FBN3: variants seen among roughly 807,000 people sequenced by gnomAD.
FBN3 encodes fibrillin 3.
FBN3 carries 234 observed loss-of-function variants against 330.1 expected under a neutral mutation model. The observed-to-expected ratio is 0.71, with a 90% CI of 0.64 to 0.79. The LOEUF is 0.79. Among genes scored for constraint, FBN3 ranks in the 30% least tolerant of loss-of-function variants. The pLI, the probability that FBN3 is intolerant of heterozygous loss-of-function variation, is 0.00. For missense variants in FBN3, 3,606 were observed against 3,886.9 expected (o/e 0.93, Z 1.92); for synonymous variants, 1,458 against 1,517.3 (o/e 0.96, Z 0.91).
rs750159617 is a variant in FBN3 at position 8,111,755 on chromosome 19, A to G, written c.3977T>C (p.Val1326Ala). ...GFECHDLDEC[V>A]SQEHRCSPRG... is the part of the protein sequence containing the mutation. Reference sequence around the variant, plus strand: ...TGGGCTGCACCGGTGCTCCTGGGAGACGCATTCATCCAGGTCTGCAGGAGA... The same window carrying G: ...TGGGCTGCACCGGTGCTCCTGGGAGGCGCATTCATCCAGGTCTGCAGGAGA... The change falls in exon 32 of 64, where the codon GTC (valine) becomes GCC (alanine). Residue 1326 changes from valine to alanine, a missense_variant. Val to Ala is a moderately conservative substitution (Grantham distance 64). Transcript: ENST00000600128. 10 of 1,612,318 alleles carry G rather than the reference A, an allele frequency of 6.2e-6. No individual in the cohort carries two copies. Among genetic ancestry groups the G allele is most frequent in the Non-Finnish European group, 7.6e-6 (9 of 1,179,044 alleles).
chr19:8,116,826 C>A, intron 28 of FBN3, 27 bp from the exon 29 acceptor site: 1 of 1,607,952 alleles, frequency 6.2e-7, no homozygotes, highest in Non-Finnish European at 8.5e-7. Context: ...GGGGACTGTG[C>A]TTAGCTTTGC....
At position 8,111,166 on chromosome 19, in the gene FBN3, C is replaced by T. The variant is rs150421324; in HGVS notation, c.4102G>A (p.Glu1368Lys). 1.1e-4 allele frequency: 171 copies of T among 1,606,082 alleles called. No individual in the cohort carries two copies. The highest frequency in any genetic ancestry group is 2.0e-4 in the African/African-American group (15 of 74,992). The part of the protein sequence containing the change: ...FFCEDRDECA[E>K]NVDLCDNGQC... ...CCGTTGTCACAGAGGTCCACGTTCT[C>T]GGCACATTCATCCCTGTCTGAGGGG... Residue 1368 changes from glutamate (E) to lysine (K), a missense_variant, in exon 33 of 64, where the codon GAG becomes AAG. Glu to Lys is a moderately conservative substitution (Grantham distance 56, BLOSUM62 1). Transcript: ENST00000600128.
chr19:8,147,411 A>T lies in FBN3; in HGVS notation c.70T>A (p.Leu24Met). The change falls in exon 2 of 64, where the codon TTG (leucine) becomes ATG (methionine). Residue 24 changes from leucine to methionine, a missense_variant. By Grantham distance (15) the Leu-to-Met change is conservative (BLOSUM62 2). Transcript: ENST00000600128. ...ARLLLAWSAL[L>M]CMAGGQGRWD... Reference sequence around the variant, plus strand: ...CGGCCTTGGCCACCTGCCATGCACAACAGGGCCGACCAGGCCAGCAGGAGC... The same window carrying T: ...CGGCCTTGGCCACCTGCCATGCACATCAGGGCCGACCAGGCCAGCAGGAGC... 1 of 1,594,904 alleles carries T rather than the reference A, an allele frequency of 6.3e-7. No individual in the cohort carries two copies. Among genetic ancestry groups the T allele is most frequent in the Non-Finnish European group, 8.5e-7 (1 of 1,172,054 alleles).
At chr19:8,094,381 T>A in intron 47 of FBN3, 65 bp downstream of exon 47, 2 of 1,545,178 alleles carry the variant, frequency 1.3e-6, no homozygotes, top group Non-Finnish European at 1.8e-6. Flanking sequence ...GGTATTCCCA[T>A]TTTATGGATG....
intron 6 of FBN3, among the ~76,000 whole-genome samples, chr19:8,144,482 T>C (rs2083488295): frequency 6.6e-6 from 1 of 151,636 alleles, no homozygotes; most frequent in African/African-American, 2.4e-5. Context: ...AGCTGAGGGG[T>C]CCCCTCCTCC....
In FBN3 at chr19:8,131,818, A is replaced by C. The variant is rs1354199661; in HGVS notation, c.1726T>G (p.Cys576Gly). 2 of 1,594,386 alleles carry C rather than the reference A, an allele frequency of 1.3e-6. No homozygotes were observed. Among genetic ancestry groups the C allele is most frequent in the Non-Finnish European group, 1.7e-6 (2 of 1,166,420 alleles). Reference protein sequence around the residue: ...GGHYCMDIDECQTPGICVNGH... With the variant: ...GGHYCMDIDEGQTPGICVNGH... ...TTCACGCAGATGCCGGGCGTCTGGC[A>C]CTCGTCAATGTCTGCAGAAGCAGTG... The change falls in exon 15 of 64, where the codon TGC becomes GGC. Residue 576 changes from cysteine to glycine, a missense_variant. Cys to Gly is a radical substitution (Grantham distance 159). Transcript: ENST00000600128. The surrounding 1 kb of genome is among the most constrained non-coding windows in gnomAD (Gnocchi z 4.5).
At position 8,096,216 on chromosome 19, in the gene FBN3, G is replaced by A. The variant is rs536086875; in HGVS notation, c.5540-136C>T. 2.9e-4 allele frequency: 251 copies of A among 857,398 alleles called. 1 individual carries two copies. The African/African-American group carries it at 3.6e-3, about 12-fold the overall frequency. The allele number at this position is 857,398 out of a possible 1,614,324, so 53.1% of individuals were successfully genotyped here. A position where few individuals can be genotyped will look rare whatever the true frequency, so the allele number is the denominator to read the frequency against. On this transcript the variant is annotated intron_variant, in intron 44 of 63. Transcript: ENST00000600128. This position sits in a 1 kb window ranked among gnomAD's most constrained non-coding sequence, Gnocchi z 4.6. Reference sequence around the variant, plus strand: ...AGATGACTGGGCAGTGACCCCTGGCGGTGATGGCTGGGAAGTACTCCTGGT... The same window carrying A: ...AGATGACTGGGCAGTGACCCCTGGCAGTGATGGCTGGGAAGTACTCCTGGT...
rs1283298672 is a variant in FBN3, at chr19:8,086,217, G to T, written c.6863C>A (p.Thr2288Asn). 1.9e-6 allele frequency: 3 copies of T among 1,609,604 alleles called. No individual in the cohort carries two copies. Among genetic ancestry groups the T allele is most frequent in the Non-Finnish European group, 2.5e-6 (3 of 1,177,576 alleles). The change falls in exon 55 of 64, where the codon ACC (threonine) becomes AAC (asparagine). Residue 2288 changes from threonine to asparagine, a missense_variant. Transcript: ENST00000600128. ...DCDEGFQPSP[T>N]LTECHDIRQG... Reference sequence around the variant, plus strand: ...ACACTCACCGTGGCACTCGGTAAGGGTGGGGCTGGGCTGGAATCCCTCATC... The same window carrying T: ...ACACTCACCGTGGCACTCGGTAAGGTTGGGGCTGGGCTGGAATCCCTCATC...
chr19:8,141,724 T>A lies in FBN3; in HGVS notation c.858A>T (p.Ala286=), dbSNP rs758917740. ...VGHRLSDSSA[A]CEDYRAGACF... ...CCCCCTCCAGTCACCCACCTTCACA[T>A]GCGGCGCTGCTGTCACTGAGCCGGT... Residue 286 remains alanine, a synonymous_variant, in exon 8 of 64, where the codon GCA becomes GCT. Transcript: ENST00000600128. The A allele has an allele frequency of 1.2e-6, 2 of 1,612,840 alleles. No individual in the cohort carries two copies. Among genetic ancestry groups the A allele is most frequent in the Non-Finnish European group, 1.7e-6 (2 of 1,179,212 alleles).
Position 8,089,977 on chromosome 19 carries a change from G to A in FBN3, c.6185-18C>T. 2 of 1,607,826 alleles carry A rather than the reference G, an allele frequency of 1.2e-6. No individual in the cohort carries two copies. Among genetic ancestry groups the A allele is most frequent in the East Asian group, 2.2e-5 (1 of 44,854 alleles). ...AAAGGCAGCTGGACGGAGAGGGGGAGGGGAGTCAGAGTCAGGGCCTAGGTG... is the reference window on the plus strand; with the variant it reads ...AAAGGCAGCTGGACGGAGAGGGGGAAGGGAGTCAGAGTCAGGGCCTAGGTG... On this transcript the variant is annotated intron_variant, in intron 49 of 63. Transcript: ENST00000600128.
Position 8,109,146 on chromosome 19 carries a change from G to A in FBN3, c.4618+81C>T, listed in dbSNP as rs183014749. Reference sequence around the variant, plus strand: ...CCTGTCGCCTAAGCCCCCCACCACCGCCATTAGCAGAGGTGACCCCCTAAG... The same window carrying A: ...CCTGTCGCCTAAGCCCCCCACCACCACCATTAGCAGAGGTGACCCCCTAAG... On this transcript the variant is annotated intron_variant, in intron 36 of 63. Coordinates refer to ENST00000600128, the MANE Select transcript of FBN3 (RefSeq NM_032447.5). This position sits in a 1 kb window ranked among gnomAD's most constrained non-coding sequence, Gnocchi z 5.2. 3.3e-5 allele frequency: 46 copies of A among 1,385,368 alleles called. No individual in the cohort carries two copies. The African/African-American group carries it at 5.4e-4, about 16-fold the overall frequency. The allele number at this position is 1,385,368 out of a possible 1,614,324, so 85.8% of individuals were successfully genotyped here. A position where few individuals can be genotyped will look rare whatever the true frequency, so the allele number is the denominator to read the frequency against.
In FBN3 at chr19:8,146,141, C is replaced by A; in HGVS notation, c.335G>T (p.Cys112Phe). 1 of 1,596,910 alleles carries A rather than the reference C, an allele frequency of 6.3e-7. No homozygotes were observed. The highest frequency in any genetic ancestry group is 8.5e-7 in the Non-Finnish European group (1 of 1,173,204). Reference protein sequence around the residue: ...TCADGTLAPSCGVSRGSGCSV... With the variant: ...TCADGTLAPSFGVSRGSGCSV... ...TTCCCGCTCACCTCGGCTCACCCCG[C>A]AGCTGGGAGCCAGCGTCCCATCCGC... Residue 112 changes from cysteine (C) to phenylalanine (F), a missense_variant, in exon 4 of 64, where the codon TGC becomes TTC. Transcript: ENST00000600128.
chr19:8,083,679 A>G (rs1476879315), intron 56 of FBN3, among the ~76,000 whole-genome samples: 1 of 151,924 alleles, frequency 6.6e-6, no homozygotes, highest in East Asian at 1.9e-4. Context: ...GCAACATGAT[A>G]CACTAGCCAC....
chr19:8,096,656 C>G lies in FBN3; in HGVS notation c.5414-87G>C. 2.0e-6 allele frequency: 3 copies of G among 1,511,442 alleles called. No individual in the cohort carries two copies. The highest frequency in any genetic ancestry group is 1.8e-6 in the Non-Finnish European group (2 of 1,129,864). 93.6% of individuals were successfully genotyped at this position (1,511,442 alleles called of 1,614,324 possible). ...CCTACTGCAATGGGGAAGCCAGAAT[C>G]TGCCTTGAAGTTCCCCACTCAAACT... On this transcript the variant is annotated intron_variant, in intron 43 of 63. Coordinates refer to ENST00000600128, the MANE Select transcript of FBN3 (RefSeq NM_032447.5). This position sits in a 1 kb window ranked among gnomAD's most constrained non-coding sequence, Gnocchi z 4.6.
chr19:8,109,495 C>A lies in FBN3; in HGVS notation c.4457-107G>T. On this transcript the variant is annotated intron_variant, in intron 35 of 63. Transcript: ENST00000600128. The surrounding 1 kb of genome is among the most constrained non-coding windows in gnomAD (Gnocchi z 5.2). The stretch of plus-strand genomic sequence containing the variant: ...CAGGTGACAAGGACAACCACTCTTG[C>A]AGGAGACCAGCAGATGTCCCGTTTG... 4 of 1,538,586 alleles carry A rather than the reference C, an allele frequency of 2.6e-6. No homozygotes were observed. The South Asian group carries it at 4.8e-5, about 19-fold the overall frequency.
In FBN3 at chr19:8,116,734, C is replaced by T. The variant is rs1392244674; in HGVS notation, c.3652G>A (p.Gly1218Ser). The change falls in exon 29 of 64, where the codon GGT becomes AGT. Residue 1218 changes from glycine (G) to serine (S), a missense_variant. Coordinates refer to ENST00000600128, the MANE Select transcript of FBN3 (RefSeq NM_032447.5). ...DQGHCTNMPG[G>S]HRCLCYDGFM... ...CCATCATAGCACAGGCAGCGGTGAC[C>T]CCCTGGCATGTTGGTGCAGTGGCCT... 3 of 1,613,956 alleles carry T rather than the reference C, an allele frequency of 1.9e-6. No homozygotes were observed. Among genetic ancestry groups the T allele is most frequent in the East Asian group, 4.5e-5 (2 of 44,898 alleles).
At chr19:8,111,336 G>A (rs2082577331) in intron 32 of FBN3, among the ~76,000 whole-genome samples, 153 bp from the exon 33 acceptor site, 1 of 152,144 alleles carries the variant, frequency 6.6e-6, no homozygotes, top group South Asian at 2.1e-4. Context: ...GGGGTGGGAG[G>A]CGAGTGACCG....
chr19:8,116,326 C>T (rs2082703698), intron 29 of FBN3, among the ~76,000 whole-genome samples: 1 of 152,112 alleles, frequency 6.6e-6, no homozygotes, highest in Non-Finnish European at 1.5e-5. Flanking sequence ...GCCAGAAACC[C>T]CTTTGTCTTC....
intron 26 of FBN3, among the ~76,000 whole-genome samples, chr19:8,118,378 T>C (rs1292056119): frequency 6.6e-6 from 1 of 152,188 alleles, no homozygotes; most frequent in Non-Finnish European, 1.5e-5. Flanking sequence ...GAGGATCACC[T>C]GAGCCCAGGA....
Sources: gnomAD v4.1 joint callset for allele counts (sites outside exome capture counted in the v4.1 genomes callset) on GRCh38, gnomAD v4.1.1 for gene constraint, Gnocchi (gnomAD v3.1) non-coding constraint, MANE v1.5 for transcripts, NCBI Gene and HGNC (gene_info 2026-07-23, HGNC 2026-07-21) for gene names.